The following SLC4A10 variants were observed in gnomAD, a reference collection of about 807,000 sequenced individuals.
SLC4A10 encodes the protein solute carrier family 4 member 10.
SLC4A10 carries 42 observed loss-of-function variants against 137.7 expected under a neutral mutation model. The ratio of observed to expected loss-of-function variants is 0.30; its 90% CI spans 0.24 to 0.39. The LOEUF (loss-of-function observed/expected upper bound fraction) is 0.39. Ranked by LOEUF, SLC4A10 falls within the 10% of genes least tolerant of loss-of-function variation. SLC4A10 has a pLI of 1.00. For missense variants in SLC4A10, 925 were observed against 1,355.0 expected (o/e 0.68, Z 4.98); for synonymous variants, 474 against 464.1 (o/e 1.02, Z -0.27).
chr2:161,873,006 G>A (rs910454269), intron 7 of SLC4A10, among the ~76,000 whole-genome samples: 9 of 152,098 alleles, frequency 5.9e-5, no homozygotes, highest in Admixed American at 1.3e-4. Context: ...GAGCCACCCC[G>A]CCCGGCCAAG....
At chr2:161,881,218 C>A (rs568648991) in intron 9 of SLC4A10, among the ~76,000 whole-genome samples, 1 of 152,064 alleles carries the variant, frequency 6.6e-6, no homozygotes, top group African/African-American at 2.4e-5. Flanking sequence ...AGAAAATAAT[C>A]TTTTAGATCT....
chr2:161,932,260 A>T (rs761116717), intron 15 of SLC4A10, among the ~76,000 whole-genome samples: 2 of 152,148 alleles, frequency 1.3e-5, no homozygotes, highest in African/African-American at 4.8e-5. Flanking sequence ...CAGACCTATG[A>T]TCCTTGCTTG....
At chr2:161,664,964 T>C (rs1385831765) in intron 1 of SLC4A10, among the ~76,000 whole-genome samples, 1 of 151,794 alleles carries the variant, frequency 6.6e-6, no homozygotes, top group African/African-American at 2.4e-5. Flanking sequence ...TTCACTTTAA[T>C]GAATGTGCTA....
intron 1 of SLC4A10, among the ~76,000 whole-genome samples, chr2:161,679,711 G>A (rs2040645304): frequency 6.6e-6 from 1 of 150,952 alleles, no homozygotes; most frequent in Non-Finnish European, 1.5e-5. Context: ...GTGTGTGTGT[G>A]TGTGTGTGTA....
chr2:161,890,927 G>A (rs12477222), intron 10 of SLC4A10, among the ~76,000 whole-genome samples: 64,368 of 151,546 alleles, frequency 0.42, 13,917 homozygotes, highest in Admixed American at 0.49. Flanking sequence ...TTTCAGTGGA[G>A]GGTACCTGTT....
chr2:161,761,424 T>C (rs2050242545), intron 1 of SLC4A10, among the ~76,000 whole-genome samples: 1 of 151,974 alleles, frequency 6.6e-6, no homozygotes, highest in Non-Finnish European at 1.5e-5. Context: ...AAACATGGCA[T>C]GGACAGGAAT....
At chr2:161,839,977 A>G in intron 4 of SLC4A10, 50 bp downstream of exon 4, 6 of 1,601,574 alleles carry the variant, frequency 3.7e-6, no homozygotes, top group Non-Finnish European at 4.3e-6. Flanking sequence ...TTTTCATGTT[A>G]CTAGAAAAAG....
At chr2:161,631,065 A>G (rs2033458930) in intron 1 of SLC4A10, among the ~76,000 whole-genome samples, 1 of 151,730 alleles carries the variant, frequency 6.6e-6, no homozygotes, top group African/African-American at 2.4e-5. Flanking sequence ...TCATGATTCC[A>G]TTTATATGAA....
At chr2:161,721,302 T>A (rs2045639342) in intron 1 of SLC4A10, among the ~76,000 whole-genome samples, 1 of 152,184 alleles carries the variant, frequency 6.6e-6, no homozygotes, top group Non-Finnish European at 1.5e-5. Context: ...TTCAGTGTGT[T>A]TTTGTAGTGG....
At chr2:161,979,127 G>A (rs1462204950) in intron 26 of SLC4A10, among the ~76,000 whole-genome samples, 1 of 152,154 alleles carries the variant, frequency 6.6e-6, no homozygotes, top group Non-Finnish European at 1.5e-5. Context: ...TCAATGTGTT[G>A]AGAATTTGAA....
At chr2:161,715,046 G>A (rs1240041569) in intron 1 of SLC4A10, among the ~76,000 whole-genome samples, 2 of 151,810 alleles carry the variant, frequency 1.3e-5, no homozygotes, top group African/African-American at 2.4e-5. Context: ...TAGTATGTAT[G>A]TATGTCTATA....
chr2:161,884,196 T>A (rs982113502), intron 10 of SLC4A10, among the ~76,000 whole-genome samples: 5 of 152,184 alleles, frequency 3.3e-5, no homozygotes, highest in African/African-American at 1.2e-4. Context: ...TATTATCACT[T>A]TCACATACAT....
intron 3 of SLC4A10, among the ~76,000 whole-genome samples, chr2:161,828,448 A>G (rs1009988516): frequency 8.6e-5 from 13 of 151,508 alleles, no homozygotes; most frequent in Admixed American, 7.2e-4. Flanking sequence ...TCAACCAGTC[A>G]TCAATTATTA....
At chr2:161,689,523 G>A (rs750849355) in intron 1 of SLC4A10, among the ~76,000 whole-genome samples, 7 of 152,160 alleles carry the variant, frequency 4.6e-5, no homozygotes, top group Non-Finnish European at 1.0e-4. Context: ...TAGGTGTGTA[G>A]TAGGCTATCC....
chr2:161,719,874 G>A (rs2045425430), intron 1 of SLC4A10, among the ~76,000 whole-genome samples: 1 of 152,068 alleles, frequency 6.6e-6, no homozygotes, highest in East Asian at 1.9e-4. Context: ...AGTTTCTTTT[G>A]CTGTGCAGAA....
intron 12 of SLC4A10, chr2:161,901,933 T>C: frequency 2.4e-6 from 1 of 413,506 alleles, no homozygotes; most frequent in Non-Finnish European, 4.7e-6. Context: ...TTATTTTTGG[T>C]GGTATTTTTT....
rs529647503 is a variant in SLC4A10, at chr2:161,928,686, G to A, written c.1998-14106G>A. The stretch of plus-strand genomic sequence containing the variant: ...AAAAAAAAGTAGGAGTTTCAGGTTG[G>A]GACAGACCTGGATTCAAGTTTATTT... On this transcript the variant is annotated intron_variant, in intron 15 of 26. Coordinates refer to ENST00000446997, the MANE Select transcript of SLC4A10 (RefSeq NM_001178015.2). Among the ~76,000 whole-genome samples, 29 of 149,444 alleles carry A rather than the reference G, an allele frequency of 1.9e-4. 1 individual carries two copies. The highest frequency in any genetic ancestry group is 7.1e-4 in the African/African-American group (29 of 40,876).
intron 1 of SLC4A10, among the ~76,000 whole-genome samples, chr2:161,704,600 TA>T (rs1194648810): frequency 1.3e-5 from 2 of 151,670 alleles, no homozygotes; most frequent in African/African-American, 2.4e-5. Context: ...GAGCCATCTT[TA>T]AAAAATCAGA....
chr2:161,969,217 G>A (rs1424972189), intron 23 of SLC4A10, among the ~76,000 whole-genome samples: 1 of 152,184 alleles, frequency 6.6e-6, no homozygotes, highest in African/African-American at 2.4e-5. Context: ...TTATGGCACT[G>A]AGAAAACATT....
Sources: allele counts gnomAD v4.1 joint callset (sites outside exome capture counted in the v4.1 genomes callset), GRCh38; gene constraint gnomAD v4.1.1; transcripts MANE v1.5; gene names NCBI Gene and HGNC (gene_info 2026-07-23, HGNC 2026-07-21).